The following GOLGA8M variants were observed in gnomAD, a reference collection of about 807,000 sequenced individuals.
GOLGA8M encodes golgin subfamily A member 8M.
Under a neutral mutation model 87.7 loss-of-function variants are expected in GOLGA8M, and 34 were observed. That is an observed-to-expected ratio of 0.39 (90% CI 0.29 to 0.52). The LOEUF (loss-of-function observed/expected upper bound fraction) is 0.52, where lower values mean the gene tolerates loss of function less well. Ranked by LOEUF, GOLGA8M falls within the 20% of genes least tolerant of loss-of-function variation. The probability of loss-of-function intolerance (pLI) is 0.80; values close to 1 mark genes in which losing one functional copy is unlikely to be tolerated. For synonymous variants in GOLGA8M, 138 were observed against 250.2 expected, an observed-to-expected ratio of 0.55 and a Z score of 4.23; for missense variants, 396 against 682.2, an observed-to-expected ratio of 0.58 and a Z score of 4.67.
chr15:28,701,885 G>A lies in GOLGA8M; in HGVS notation c.*69C>T. 1 of 1,200,938 alleles carries A rather than the reference G, an allele frequency of 8.3e-7. No individual in the cohort carries two copies. Among genetic ancestry groups the A allele is most frequent in the Non-Finnish European group, 1.2e-6 (1 of 842,960 alleles). The allele number at this position is 1,200,938 out of a possible 1,614,324, so 74.4% of individuals were successfully genotyped here. On this transcript the variant is annotated 3_prime_UTR_variant, in exon 19 of 19. Transcript: ENST00000563027. Reference sequence around the variant, plus strand: ...TCAAAGGAAGTAAATGAATTGTGTAGGAGATTAACCCCATAACTTGGTTTC... The same window carrying A: ...TCAAAGGAAGTAAATGAATTGTGTAAGAGATTAACCCCATAACTTGGTTTC...
chr15:28,713,210 A>G (rs1440809820), upstream of GOLGA8M, among the ~76,000 whole-genome samples: 1 of 151,000 alleles, frequency 6.6e-6, no homozygotes, highest in Non-Finnish European at 1.5e-5. Context: ...GGTGGCAGGC[A>G]GCTGTAGTCT....
In GOLGA8M at chr15:28,712,236, T is replaced by C. The variant is rs934887367; in HGVS notation, c.48+40A>G. 8 of 1,371,590 alleles carry C rather than the reference T, an allele frequency of 5.8e-6. No individual in the cohort carries two copies. In the African/African-American group the frequency reaches 1.0e-4, roughly 17 times the overall value. 85.0% of individuals were successfully genotyped at this position (1,371,590 alleles called of 1,614,324 possible). ...AGGGGTCTTGTCATCAGAGGGGATC[T>C]GTGGCTGGGTTGAGGGGCTATGACC... On this transcript the variant is annotated intron_variant, in intron 1 of 18. Coordinates refer to ENST00000563027, the MANE Select transcript of GOLGA8M (RefSeq NM_001282468.3).
chr15:28,706,812 A>G lies in GOLGA8M; in HGVS notation c.592-113T>C, dbSNP rs990228722. The G allele has an allele frequency of 7.1e-6, 7 of 982,200 alleles. No individual in the cohort carries two copies. In the African/African-American group the frequency reaches 1.1e-4, roughly 16 times the overall value. 60.8% of individuals were successfully genotyped at this position (982,200 alleles called of 1,614,324 possible). ...TATACAACTCGGTCAGTAAAGATCAAGGCATTTCCAAGCCCGTGGTCTGGT... is the reference window on the plus strand; with the variant it reads ...TATACAACTCGGTCAGTAAAGATCAGGGCATTTCCAAGCCCGTGGTCTGGT... On this transcript the variant is annotated intron_variant, in intron 8 of 18. Transcript: ENST00000563027.
chr15:28,712,750 G>T (rs1002714004), upstream of GOLGA8M, among the ~76,000 whole-genome samples: 1 of 152,170 alleles, frequency 6.6e-6, no homozygotes, highest in African/African-American at 2.4e-5. Flanking sequence ...TTTCTCCATA[G>T]CTGTCTTCAT....
At position 28,702,550 on chromosome 15, in the gene GOLGA8M, G is replaced by C; in HGVS notation, c.1482C>G (p.His494Gln). The C allele has an allele frequency of 6.2e-7, 1 of 1,606,098 alleles. No homozygotes were observed. Among genetic ancestry groups the C allele is most frequent in the Non-Finnish European group, 8.5e-7 (1 of 1,179,696 alleles). ...CACGGCCCCCTGGTTCTGATAAAAG[G>C]TGATGGATTTTCCTGCGGGAGGACG... Reference protein sequence around the residue: ...WQERCHQKIHHLLSEPGGRAK... With the variant: ...WQERCHQKIHQLLSEPGGRAK... Residue 494 changes from histidine (H) to glutamine (Q), a missense_variant, in exon 17 of 19, where the codon CAC becomes CAG. His to Gln is a conservative substitution (Grantham distance 24). Transcript: ENST00000563027.
intron 13 of GOLGA8M, chr15:28,704,917 C>T: frequency 2.2e-6 from 2 of 891,484 alleles, no homozygotes; most frequent in East Asian, 3.4e-5. Flanking sequence ...TGTCTCTTCC[C>T]CTGTGATTGG....
intron 15 of GOLGA8M, among the ~76,000 whole-genome samples, 198 bp downstream of exon 15, chr15:28,703,121 A>G (rs1248476576): frequency 2.2e-5 from 3 of 133,592 alleles, no homozygotes; most frequent in Non-Finnish European, 4.5e-5. Flanking sequence ...TGGGGCAGAG[A>G]GGTGGAGCGC....
In GOLGA8M at chr15:28,703,933, A is replaced by G; in HGVS notation, c.1201-16T>C. ...CCAGGTGCTCCTAAGGGGCCAGGAA[A>G]GAGTGAGAAGGGATGGAGTTTGCCA... On this transcript the variant is annotated splice_polypyrimidine_tract_variant and intron_variant, in intron 13 of 18. Coordinates refer to ENST00000563027, the MANE Select transcript of GOLGA8M (RefSeq NM_001282468.3). 1.3e-6 allele frequency: 2 copies of G among 1,592,190 alleles called. No individual in the cohort carries two copies. The highest frequency in any genetic ancestry group is 1.7e-6 in the Non-Finnish European group (2 of 1,177,824).
intron 13 of GOLGA8M, 113 bp downstream of exon 13, chr15:28,705,046 G>A: frequency 6.5e-7 from 1 of 1,530,620 alleles, no homozygotes; most frequent in Non-Finnish European, 8.8e-7. Context: ...GGGTGCTGTG[G>A]TCACCAGCCC....
chr15:28,712,775 G>A (rs1381276028), upstream of GOLGA8M, among the ~76,000 whole-genome samples: 1 of 152,200 alleles, frequency 6.6e-6, no homozygotes, highest in East Asian at 1.9e-4. Context: ...CAGCTTCTAT[G>A]CAAGGTCTAT....
Position 28,699,202 on chromosome 15 carries a change from T to A in GOLGA8M, c.*2752A>T, listed in dbSNP as rs946082556. ...TTTCATTTCTGGAAAATTATCAGGT[T>A]GAATCAAATACTTTTAAAATGATTA... On this transcript the variant is annotated 3_prime_UTR_variant, in exon 19 of 19. Transcript: ENST00000563027. Among the ~76,000 whole-genome samples, 1 of 142,312 alleles carries A rather than the reference T, an allele frequency of 7.0e-6. No homozygotes were observed. The highest frequency in any genetic ancestry group is 1.5e-5 in the Non-Finnish European group (1 of 67,658). 93.4% of individuals were successfully genotyped at this position (142,312 alleles called of 152,430 possible).
At chr15:28,712,068 C>T (rs1273491090) in intron 1 of GOLGA8M, 6 of 984,506 alleles carry the variant, frequency 6.1e-6, no homozygotes, top group Non-Finnish European at 7.2e-6. Flanking sequence ...CCCAAAGTCA[C>T]CCTGGGGTGA....
rs548419104 is a variant in GOLGA8M, at chr15:28,711,722, A to T, written c.48+554T>A. The T allele has an allele frequency of 4.7e-4, 466 of 985,236 alleles. 2 individuals are homozygous for T. The Middle Eastern group carries it at 8.4e-3, about 18-fold the overall frequency. The allele number at this position is 985,236 out of a possible 1,614,324, so 61.0% of individuals were successfully genotyped here. On this transcript the variant is annotated intron_variant, in intron 1 of 18. Coordinates refer to ENST00000563027, the MANE Select transcript of GOLGA8M (RefSeq NM_001282468.3). The stretch of plus-strand genomic sequence containing the variant: ...ACTAGGTGGGCTGTGACATCACAAC[A>T]TTCCACTCCTCCTGGTCGGGGGGAG...
chr15:28,711,845 C>A (rs2080204644), intron 1 of GOLGA8M: 1 of 984,760 alleles, frequency 1.0e-6, no homozygotes, highest in African/African-American at 1.7e-5. Flanking sequence ...CACAAAGAAC[C>A]CAGGGAGGTC....
intron 16 of GOLGA8M, 32 bp from the exon 17 acceptor site, chr15:28,702,594 C>CGGGG: frequency 6.2e-7 from 1 of 1,609,824 alleles, no homozygotes; most frequent in African/African-American, 1.3e-5. Flanking sequence ...ACGCTGGGGC[C>CGGGG]CCTCCGACGG....
In GOLGA8M at chr15:28,708,005, C is replaced by G. The variant is rs2080088378; in HGVS notation, c.429G>C (p.Glu143Asp). 2.5e-6 allele frequency: 4 copies of G among 1,594,298 alleles called. No individual in the cohort carries two copies. Among genetic ancestry groups the G allele is most frequent in the Non-Finnish European group, 3.4e-6 (4 of 1,177,552 alleles). Residue 143 changes from glutamate (E) to aspartate (D), a missense_variant, in exon 7 of 19, where the codon GAG (glutamate) becomes GAC (aspartate). This residue lies in a region of GOLGA8M where 80 missense variants were observed against 119.9 expected (regional missense o/e 0.67). Coordinates refer to ENST00000563027, the MANE Select transcript of GOLGA8M (RefSeq NM_001282468.3). ...TGTGGTACAGGTCCGTATTTAGTTC[C>G]TCTTTCTGTATGTTCAATGTCTGGA... The part of the protein sequence containing the change: ...VQLQTLNIQK[E>D]ELNTDLYHMK...
chr15:28,702,151 G>T (rs1248155666), intron 18 of GOLGA8M, 22 bp from the exon 19 acceptor site: 1 of 1,577,744 alleles, frequency 6.3e-7, no homozygotes, highest in East Asian at 2.3e-5. Flanking sequence ...GGGAGGCAGG[G>T]ATCTGAGCAC....
intron 5 of GOLGA8M, 27 bp downstream of exon 5, chr15:28,708,348 T>C: frequency 1.9e-6 from 3 of 1,605,368 alleles, no homozygotes; most frequent in Non-Finnish European, 2.5e-6. Flanking sequence ...CCAGCAGTCA[T>C]GTTGCAAGGA....
At position 28,702,692 on chromosome 15, in the gene GOLGA8M, C is replaced by T. The variant is rs531148701; in HGVS notation, c.1422G>A (p.Lys474=). The T allele has an allele frequency of 2.4e-3, 3,765 of 1,601,050 alleles. 50 individuals are homozygous for T. The highest frequency in any genetic ancestry group is 7.6e-3 in the South Asian group (690 of 90,566). Reference sequence around the variant, plus strand: ...ATTGAATGAAGCGAAGTTCTTGTTTCTTCACAAGCTCACTCAGGTCTGCCT... The same window carrying T: ...ATTGAATGAAGCGAAGTTCTTGTTTTTTCACAAGCTCACTCAGGTCTGCCT... ...EEKADLSELV[K]KQELRFIQYW... Residue 474 remains lysine, a synonymous_variant, in exon 16 of 19, where the codon AAG becomes AAA. Transcript: ENST00000563027.
Sources: gnomAD v4.1 joint callset for allele counts (sites outside exome capture counted in the v4.1 genomes callset) on GRCh38, gnomAD v4.1.1 for gene constraint, gnomAD v4.1.1 regional missense constraint, MANE v1.5 for transcripts, NCBI Gene and HGNC (gene_info 2026-07-23, HGNC 2026-07-21) for gene names.